Variants in WDR49 observed in about 807,000 individuals in gnomAD.
WDR49 encodes WD repeat domain 49.
In WDR49, 107 loss-of-function variants were observed where a neutral mutation model predicts 119.5. The observed-to-expected ratio is 0.90, with a 90% CI of 0.77 to 1.05. The LOEUF is 1.05. Ranked by LOEUF, WDR49 falls within the 50% of genes least tolerant of loss-of-function variation. The pLI, the probability that WDR49 is intolerant of heterozygous loss-of-function variation, is 0.00. For missense variants in WDR49, 1,240 were observed against 1,220.5 expected (o/e 1.02, Z -0.24); for synonymous variants, 425 against 418.8 (o/e 1.01, Z -0.18).
chr3:167,570,456 A>G (rs1713869726), intron 8 of WDR49, among the ~76,000 whole-genome samples: 1 of 152,232 alleles, frequency 6.6e-6, no homozygotes, highest in South Asian at 2.1e-4. Context: ...TCATTTTTTA[A>G]ATAATGGAAG....
intron 15 of WDR49, among the ~76,000 whole-genome samples, chr3:167,523,378 C>G (rs553032516): frequency 7.2e-6 from 1 of 139,804 alleles, no homozygotes; most frequent in African/African-American, 2.7e-5. Context: ...GAATGACATA[C>G]ATTCTTTTTT....
intron 5 of WDR49, among the ~76,000 whole-genome samples, chr3:167,616,894 G>A (rs1275101243): frequency 6.6e-6 from 1 of 152,122 alleles, no homozygotes; most frequent in Non-Finnish European, 1.5e-5. Context: ...GGAATATAGT[G>A]CTTGCCCCAA....
rs1382047401 is a variant in WDR49 at position 167,554,711 on chromosome 3, T to C, written c.1762A>G (p.Lys588Glu). 1 of 1,613,400 alleles carries C rather than the reference T, an allele frequency of 6.2e-7. No individual in the cohort carries two copies. Among genetic ancestry groups the C allele is most frequent in the Non-Finnish European group, 8.5e-7 (1 of 1,179,672 alleles). ...VDISQILILK[K>E]KILVTGWERY... is the part of the protein sequence containing the mutation. ...TCCCAGCCTGTAACCAGTATTTTCT[T>C]CTTAAGAATGAGGATTTGTGAAATA... The change falls in exon 10 of 19, where the codon AAG becomes GAG. Residue 588 changes from lysine to glutamate, a missense_variant. Transcript: ENST00000682715.
At chr3:167,627,675 C>T (rs967682348) in intron 2 of WDR49, among the ~76,000 whole-genome samples, 3 of 152,154 alleles carry the variant, frequency 2.0e-5, no homozygotes, top group Non-Finnish European at 4.4e-5. Context: ...GAAAGACAAT[C>T]CTGACAACTT....
chr3:167,633,919 A>G (rs967411527), intron 2 of WDR49, among the ~76,000 whole-genome samples: 2 of 152,020 alleles, frequency 1.3e-5, no homozygotes, highest in Non-Finnish European at 2.9e-5. Flanking sequence ...TGACACATGT[A>G]CAACAGTATG....
At chr3:167,574,406 A>G (rs1164137261) in intron 8 of WDR49, among the ~76,000 whole-genome samples, 1 of 152,236 alleles carries the variant, frequency 6.6e-6, no homozygotes, top group Non-Finnish European at 1.5e-5. Context: ...AATGTAACAC[A>G]TACAATGTTC....
At chr3:167,639,590 C>A (rs1305626182) in intron 2 of WDR49, among the ~76,000 whole-genome samples, 1 of 151,774 alleles carries the variant, frequency 6.6e-6, no homozygotes, top group African/African-American at 2.4e-5. Flanking sequence ...TAAAAGCTAT[C>A]TATTTAGAAG....
At chr3:167,544,177 A>T (rs983589742) in intron 10 of WDR49, among the ~76,000 whole-genome samples, 3 of 152,110 alleles carry the variant, frequency 2.0e-5, no homozygotes, top group Admixed American at 6.6e-5. Context: ...TGACACAAAC[A>T]AATGGAAACA....
At chr3:167,629,815 T>A (rs2108329591) in intron 2 of WDR49, among the ~76,000 whole-genome samples, 1 of 152,164 alleles carries the variant, frequency 6.6e-6, no homozygotes, top group East Asian at 1.9e-4. Flanking sequence ...GTGGTAGAAA[T>A]GACAAGAGAA....
chr3:167,487,255 G>C (rs565003797), intron 18 of WDR49, among the ~76,000 whole-genome samples: 5 of 152,024 alleles, frequency 3.3e-5, no homozygotes, highest in African/African-American at 1.2e-4. Flanking sequence ...CTTCAATAAG[G>C]CCTACAAAAA....
chr3:167,561,239 C>T (rs1560286495), intron 8 of WDR49, among the ~76,000 whole-genome samples: 1 of 152,114 alleles, frequency 6.6e-6, no homozygotes, highest in East Asian at 1.9e-4. Flanking sequence ...ATTCATTCTA[C>T]AGCCACTTGC....
intron 8 of WDR49, among the ~76,000 whole-genome samples, chr3:167,571,494 A>G (rs1399539336): frequency 6.6e-6 from 1 of 152,186 alleles, no homozygotes; most frequent in Non-Finnish European, 1.5e-5. Context: ...ATATAAATGT[A>G]TTTATCTACA....
intron 17 of WDR49, among the ~76,000 whole-genome samples, chr3:167,504,063 C>T (rs554419606): frequency 2.0e-5 from 3 of 152,222 alleles, no homozygotes; most frequent in South Asian, 2.1e-4. Context: ...GATTGTTAGT[C>T]GGCCTAGGAA....
chr3:167,526,034 A>G (rs957649701), intron 15 of WDR49, among the ~76,000 whole-genome samples: 1 of 152,002 alleles, frequency 6.6e-6, no homozygotes, highest in Non-Finnish European at 1.5e-5. Flanking sequence ...AAAATTAAAA[A>G]AAAGAAGTAG....
intron 18 of WDR49, among the ~76,000 whole-genome samples, chr3:167,484,282 A>T (rs1276993448): frequency 1.3e-5 from 2 of 152,074 alleles, no homozygotes; most frequent in East Asian, 3.9e-4. Flanking sequence ...AGGCCTTAAC[A>T]CTGGGGCCTG....
chr3:167,512,860 G>T (rs147213851), intron 16 of WDR49, among the ~76,000 whole-genome samples: 6 of 152,176 alleles, frequency 3.9e-5, no homozygotes, highest in African/African-American at 1.4e-4. Context: ...GAATCTCAGA[G>T]CTTGATGACT....
intron 18 of WDR49, among the ~76,000 whole-genome samples, chr3:167,494,820 T>C (rs888792924): frequency 1.3e-5 from 2 of 152,258 alleles, no homozygotes; most frequent in East Asian, 3.9e-4. Flanking sequence ...AGACTGTGGA[T>C]TGGACTGAAA....
chr3:167,497,008 C>T (rs1050006740), intron 18 of WDR49, among the ~76,000 whole-genome samples: 2 of 152,194 alleles, frequency 1.3e-5, no homozygotes, highest in African/African-American at 4.8e-5. Context: ...GCTCCTTCCT[C>T]AACCTTGATA....
intron 2 of WDR49, among the ~76,000 whole-genome samples, chr3:167,634,681 T>TA (rs934483812): frequency 3.3e-5 from 5 of 151,116 alleles, no homozygotes; most frequent in African/African-American, 7.3e-5. Context: ...TGCAAAACTT[T>TA]AAAAAAAAAC....
Sources: gnomAD v4.1 joint callset for allele counts (sites outside exome capture counted in the v4.1 genomes callset) on GRCh38, gnomAD v4.1.1 for gene constraint, MANE v1.5 for transcripts, NCBI Gene and HGNC (gene_info 2026-07-23, HGNC 2026-07-21) for gene names.